DOCK9: variants seen among roughly 807,000 people sequenced by gnomAD.
DOCK9 encodes dedicator of cytokinesis 9, also known as dedicator of cytokinesis protein 9.
DOCK9 carries 89 observed loss-of-function variants against 263.3 expected under a neutral mutation model. The ratio of observed to expected loss-of-function variants is 0.34; its 90% confidence interval spans 0.28 to 0.40. DOCK9 has a LOEUF of 0.40. DOCK9 is among the 10% of genes least tolerant of loss of function. The pLI, the probability that DOCK9 is intolerant of heterozygous loss-of-function variation, is 1.00. For missense variants in DOCK9, 2,140 were observed against 2,603.4 expected (o/e 0.82, Z 3.87); for synonymous variants, 976 against 973.1 (o/e 1.00, Z -0.06).
At chr13:98,936,174 C>T (rs2054788793) in intron 2 of DOCK9, among the ~76,000 whole-genome samples, 1 of 152,084 alleles carries the variant, frequency 6.6e-6, no homozygotes, top group Non-Finnish European at 1.5e-5. Context: ...TGATCCTGTA[C>T]CATGGTGACC....
chr13:98,809,278 GTTTTTT>G lies in DOCK9; in HGVS notation c.5367+68_5367+73del, dbSNP rs67121295. 4.8e-4 allele frequency: 615 copies of G among 1,274,506 alleles called. 8 individuals carry two copies. The East Asian group carries it at 0.013, about 27-fold the overall frequency. The allele number at this position is 1,274,506 out of a possible 1,614,324, so 78.9% of individuals were successfully genotyped here. On this transcript the variant is annotated intron_variant, in intron 47 of 52. Coordinates refer to ENST00000682017, the MANE Select transcript of DOCK9 (RefSeq NM_001366683.2). ...ATTTATAAGATATAACTTTATTATA[GTTTTTT>G]TTTTGTTTTTGTTTTTGTTTTTTTT...
chr13:98,869,845 G>A (rs2094141997), intron 27 of DOCK9, among the ~76,000 whole-genome samples: 1 of 152,258 alleles, frequency 6.6e-6, no homozygotes, highest in South Asian at 2.1e-4. Flanking sequence ...GGCCTCCCTT[G>A]TTCCTTCCTG....
intron 1 of DOCK9, among the ~76,000 whole-genome samples, chr13:99,001,441 G>A (rs1882279403): frequency 6.6e-6 from 1 of 152,220 alleles, no homozygotes. Context: ...AGTGATCACA[G>A]ACTGGGGCCC....
At chr13:99,040,473 C>A (rs1352092956) in intron 1 of DOCK9, among the ~76,000 whole-genome samples, 1 of 151,996 alleles carries the variant, frequency 6.6e-6, no homozygotes, top group East Asian at 1.9e-4. Flanking sequence ...GAGAAACCAA[C>A]AATATCATAG....
chr13:98,913,058 A>T (rs2139827811), intron 9 of DOCK9, among the ~76,000 whole-genome samples: 1 of 152,346 alleles, frequency 6.6e-6, no homozygotes, highest in Middle Eastern at 3.4e-3. Flanking sequence ...TTTAATAGGC[A>T]GGTGCTAAAA....
intron 1 of DOCK9, among the ~76,000 whole-genome samples, chr13:99,055,482 A>G (rs1285201275): frequency 6.6e-6 from 1 of 152,164 alleles, no homozygotes; most frequent in East Asian, 1.9e-4. Flanking sequence ...AGAGAAAGCG[A>G]GCCGGTGCTT....
intron 39 of DOCK9, among the ~76,000 whole-genome samples, chr13:98,837,236 T>G (rs1351738680): frequency 6.6e-6 from 1 of 152,226 alleles, no homozygotes; most frequent in Non-Finnish European, 1.5e-5. Context: ...AAGAGTTAAC[T>G]GCCTCCAGAG....
chr13:98,848,692 G>T, intron 36 of DOCK9, 53 bp from the exon 37 acceptor site: 1 of 1,538,092 alleles, frequency 6.5e-7, no homozygotes, highest in Non-Finnish European at 8.9e-7. Flanking sequence ...AATTATTTTC[G>T]GGACGTTATT....
At chr13:99,027,423 C>A (rs372796261) in intron 1 of DOCK9, among the ~76,000 whole-genome samples, 1 of 152,190 alleles carries the variant, frequency 6.6e-6, no homozygotes. Flanking sequence ...TTGACAGAAG[C>A]CCATCCTCAT....
intron 1 of DOCK9, among the ~76,000 whole-genome samples, chr13:98,977,088 G>C (rs1471646935): frequency 2.6e-5 from 4 of 152,200 alleles, no homozygotes; most frequent in African/African-American, 9.7e-5. Context: ...TTATTGTACT[G>C]AAGAAATTCC....
rs180920238 is a variant in DOCK9 at position 98,835,348 on chromosome 13, C to T, written c.4314+2146G>A. ...TTGCAAAGAAAGATCCCAGTGGCTG[C>T]GGTGCCAATGGACCTCTCGTATCTG... On this transcript the variant is annotated intron_variant, in intron 39 of 52. Coordinates refer to ENST00000682017, the MANE Select transcript of DOCK9 (RefSeq NM_001366683.2). Among the ~76,000 whole-genome samples the T allele has an allele frequency of 4.2e-3, 633 of 152,300 alleles. 2 individuals carry two copies. The highest frequency in any genetic ancestry group is 0.014 in the Middle Eastern group (4 of 294).
At chr13:98,912,898 T>C (rs1035954539) in intron 9 of DOCK9, among the ~76,000 whole-genome samples, 1 of 152,214 alleles carries the variant, frequency 6.6e-6, no homozygotes, top group Non-Finnish European at 1.5e-5. Context: ...AAATATTTTG[T>C]TTTGAGAAAT....
chr13:98,804,637 T>C (rs117299204), intron 49 of DOCK9, among the ~76,000 whole-genome samples: 143 of 152,296 alleles, frequency 9.4e-4, no homozygotes, highest in Non-Finnish European at 1.4e-3. Flanking sequence ...GGTCCCTCCC[T>C]GTGCGGAGAC....
At chr13:98,935,999 G>A (rs1007555702) in intron 2 of DOCK9, among the ~76,000 whole-genome samples, 6 of 152,152 alleles carry the variant, frequency 3.9e-5, no homozygotes, top group Non-Finnish European at 7.4e-5. Context: ...ATGCACAGCC[G>A]GTGTAGTATT....
chr13:99,069,824 T>C (rs1019508310), intron 1 of DOCK9, among the ~76,000 whole-genome samples: 1 of 152,242 alleles, frequency 6.6e-6, no homozygotes, highest in Non-Finnish European at 1.5e-5. Flanking sequence ...AACTTCAAAA[T>C]GATATCTTAA....
chr13:98,894,327 G>C (rs541907472), intron 15 of DOCK9, among the ~76,000 whole-genome samples: 1 of 152,266 alleles, frequency 6.6e-6, no homozygotes, highest in South Asian at 2.1e-4. Flanking sequence ...TTATAAAGTG[G>C]AAGGTGAAAT....
intron 2 of DOCK9, among the ~76,000 whole-genome samples, chr13:98,949,548 GT>G (rs1295886829): frequency 6.6e-6 from 1 of 152,210 alleles, no homozygotes; most frequent in African/African-American, 2.4e-5. Flanking sequence ...GGAAATGACT[GT>G]GATGAGAGGT....
rs535999002 is a variant in DOCK9, at chr13:99,026,789, A to T, written c.129+59434T>A. On this transcript the variant is annotated intron_variant, in intron 1 of 32. Coordinates refer to the DOCK9 transcript ENST00000427887. ...GAGATATGAAATTTTATTCATATTT[A>T]AAAATCGGCTCTATTGAGGCCAGTC... Among the ~76,000 whole-genome samples, 161 of 152,358 alleles carry T rather than the reference A, an allele frequency of 1.1e-3. 1 individual carries two copies. Among genetic ancestry groups the T allele is most frequent in the Non-Finnish European group, 1.9e-3 (128 of 68,034 alleles).
intron 5 of DOCK9, 112 bp downstream of exon 5, chr13:98,923,190 C>T: frequency 1.0e-6 from 1 of 960,028 alleles, no homozygotes; most frequent in Non-Finnish European, 1.7e-6. Context: ...TGTAACACTC[C>T]AATGCCTGTT....
Sources: gnomAD v4.1 joint callset for allele counts (sites outside exome capture counted in the v4.1 genomes callset) on GRCh38, gnomAD v4.1.1 for gene constraint, MANE v1.5 for transcripts, NCBI Gene and HGNC (gene_info 2026-07-23, HGNC 2026-07-21) for gene names.